Variants in RASSF5 observed in about 807,000 individuals in gnomAD.
RASSF5 encodes Ras association domain family member 5.
A neutral mutation model predicts 40.5 loss-of-function variants in RASSF5; 25 were observed. The observed-to-expected ratio is 0.62, with a 90% CI of 0.45 to 0.86. The LOEUF (loss-of-function observed/expected upper bound fraction) is 0.86. Among genes scored for constraint, RASSF5 ranks in the 40% least tolerant of loss-of-function variants. The pLI is 0.00. For synonymous variants in RASSF5, 246 were observed against 252.4 expected (o/e 0.97, Z 0.24); for missense variants, 521 against 572.8 (o/e 0.91, Z 0.92).
chr1:206,534,104 A>G (rs1553398309), intron 1 of RASSF5, among the ~76,000 whole-genome samples: 1 of 152,184 alleles, frequency 6.6e-6, no homozygotes, highest in African/African-American at 2.4e-5. Context: ...TTTCTGTTTA[A>G]GTCACCTGGT....
In RASSF5 at chr1:206,587,789, A is replaced by G. The variant is rs1409060353; in HGVS notation, c.*811A>G. On this transcript the variant is annotated 3_prime_UTR_variant, in exon 6 of 6. Transcript: ENST00000579436. ...GTGTTTCCCCAAAGGGAAGCCAGTC[A>G]TTGACCATTTAAAAAGTCTCCTGCT... The G allele has an allele frequency of 6.6e-6, 1 of 152,450 alleles. No individual in the cohort carries two copies. Among genetic ancestry groups the G allele is most frequent in the Non-Finnish European group, 1.5e-5 (1 of 68,066 alleles). The allele number at this position is 152,450 out of a possible 1,614,324, so 9.4% of individuals were successfully genotyped here. A position where few individuals can be genotyped will look rare whatever the true frequency, so the allele number is the denominator to read the frequency against.
chr1:206,507,897 C>G lies in RASSF5; in HGVS notation c.295C>G (p.Arg99Gly). ...ACTGCGGCGGCGGCCTGGAGCGCCCCGACCCCGCGACGTGCGGAGCATCTT... is the reference window on the plus strand; with the variant it reads ...ACTGCGGCGGCGGCCTGGAGCGCCCGGACCCCGCGACGTGCGGAGCATCTT... The part of the protein sequence containing the change: ...QRLRRRPGAP[R>G]PRDVRSIFEQ... Residue 99 changes from arginine (R) to glycine (G), a missense_variant, in exon 1 of 6, where the codon CGA becomes GGA. Around this residue, in one of 2 missense-constraint regions of RASSF5, gnomAD observed 237 missense variants for 212.0 expected, o/e 1.12. Transcript: ENST00000579436. 2 of 1,503,098 alleles carry G rather than the reference C, an allele frequency of 1.3e-6. No homozygotes were observed. Among genetic ancestry groups the G allele is most frequent in the Non-Finnish European group, 1.8e-6 (2 of 1,133,346 alleles). 93.1% of individuals were successfully genotyped at this position (1,503,098 alleles called of 1,614,324 possible).
intron 2 of RASSF5, among the ~76,000 whole-genome samples, chr1:206,562,967 G>C (rs1668187696): frequency 6.6e-6 from 1 of 151,578 alleles, no homozygotes; most frequent in Admixed American, 6.6e-5. Flanking sequence ...GGGTTGAATT[G>C]CTGCATCTTC....
intron 1 of RASSF5, among the ~76,000 whole-genome samples, chr1:206,536,571 C>T (rs1409037752): frequency 6.6e-6 from 1 of 152,008 alleles, no homozygotes; most frequent in Non-Finnish European, 1.5e-5. Flanking sequence ...TTCCAAAGCT[C>T]CCCAAAAGTG....
intron 2 of RASSF5, among the ~76,000 whole-genome samples, chr1:206,576,288 T>A (rs1212726951): frequency 1.3e-5 from 2 of 152,222 alleles, no homozygotes; most frequent in Non-Finnish European, 2.9e-5. Flanking sequence ...TAATTTGTAC[T>A]TTTGCTGCAA....
intron 2 of RASSF5, among the ~76,000 whole-genome samples, chr1:206,564,391 T>G (rs1411397316): frequency 6.6e-6 from 1 of 151,554 alleles, no homozygotes; most frequent in Non-Finnish European, 1.5e-5. Flanking sequence ...TTCACAGGTT[T>G]AGATAGTTTA....
In RASSF5 at chr1:206,584,340, T is replaced by C; in HGVS notation, c.691-47T>C. On this transcript the variant is annotated intron_variant, in intron 3 of 5. Coordinates refer to ENST00000579436, the MANE Select transcript of RASSF5 (RefSeq NM_182663.4). The surrounding 1 kb of genome is among the most constrained non-coding windows in gnomAD (Gnocchi z 4.9). Reference sequence around the variant, plus strand: ...TGGCCCCGAGTGGCAGATATGATCATGCAAGGCGGACGGCCCTGACCCCCT... The same window carrying C: ...TGGCCCCGAGTGGCAGATATGATCACGCAAGGCGGACGGCCCTGACCCCCT... The C allele has an allele frequency of 6.4e-7, 1 of 1,560,300 alleles. No individual in the cohort carries two copies. The highest frequency in any genetic ancestry group is 1.2e-5 in the South Asian group (1 of 81,994).
intron 1 of RASSF5, among the ~76,000 whole-genome samples, chr1:206,519,223 G>A (rs1174720606): frequency 2.0e-5 from 3 of 152,158 alleles, no homozygotes; most frequent in Non-Finnish European, 2.9e-5. Context: ...TAGGATCTTA[G>A]GTCATCCCAT....
In RASSF5 at chr1:206,538,260, T is replaced by C; in HGVS notation, c.546T>C (p.Ser182=). The C allele has an allele frequency of 1.2e-6, 2 of 1,614,070 alleles. No individual in the cohort carries two copies. Among genetic ancestry groups the C allele is most frequent in the Non-Finnish European group, 1.7e-6 (2 of 1,180,022 alleles). The change falls in exon 2 of 6, where the codon TCT becomes TCC. Residue 182 remains serine, a synonymous_variant. Transcript: ENST00000579436. ...AGGGTTTATCCCGGGACAGACCCTCTCCAGAAAGCACCCTCACCGTGACCT... is the reference window on the plus strand; with the variant it reads ...AGGGTTTATCCCGGGACAGACCCTCCCCAGAAAGCACCCTCACCGTGACCT... ...QQEGLSRDRP[S]PESTLTVTFS...
chr1:206,561,937 G>A (rs1668159155), intron 2 of RASSF5, among the ~76,000 whole-genome samples: 1 of 151,732 alleles, frequency 6.6e-6, no homozygotes, highest in African/African-American at 2.4e-5. Flanking sequence ...CAAGGTGCTG[G>A]GATTACAGGA....
chr1:206,530,443 C>G (rs1019745063), intron 1 of RASSF5, among the ~76,000 whole-genome samples: 1 of 152,172 alleles, frequency 6.6e-6, no homozygotes, highest in African/African-American at 2.4e-5. Flanking sequence ...ATTTTGTTGT[C>G]ATAAATAACT....
Position 206,531,947 on chromosome 1 carries a change from G to A in RASSF5, c.458-6225G>A, listed in dbSNP as rs947979771. On this transcript the variant is annotated intron_variant, in intron 1 of 5. Transcript: ENST00000579436. The surrounding 1 kb of genome is among the most constrained non-coding windows in gnomAD (Gnocchi z 4.7). The stretch of plus-strand genomic sequence containing the variant: ...GGTGCCTGTAATGCCAGCTGCTTGG[G>A]AGGCTGAGGCAGGAGAATGGCGTGA... 3.9e-5 allele frequency among the ~76,000 whole-genome samples: 6 copies of A among 152,104 alleles called. No homozygotes were observed. The highest frequency in any genetic ancestry group is 3.9e-4 in the Admixed American group (6 of 15,286).
In RASSF5 at chr1:206,584,745, A is replaced by T. The variant is rs4418597; in HGVS notation, c.988+61A>T. On this transcript the variant is annotated intron_variant, in intron 4 of 5. Transcript: ENST00000579436. This position sits in a 1 kb window ranked among gnomAD's most constrained non-coding sequence, Gnocchi z 4.9. ...TTCCTACCTGTGTCCAAGCCCACCC[A>T]CTAAAACTCCTGCCGGCCTTGGGTG... The T allele has an allele frequency of 0.2, 311,917 of 1,578,348 alleles. 32,498 individuals carry two copies. The highest frequency in any genetic ancestry group is 0.32 in the Admixed American group (18,432 of 57,032).
chr1:206,514,381 A>G (rs1400590228), intron 1 of RASSF5, among the ~76,000 whole-genome samples: 1 of 152,192 alleles, frequency 6.6e-6, no homozygotes, highest in Non-Finnish European at 1.5e-5. Flanking sequence ...GGGGAATGCA[A>G]GATGTGCATG....
At chr1:206,559,628 G>A (rs1173058630) in intron 2 of RASSF5, among the ~76,000 whole-genome samples, 1 of 152,182 alleles carries the variant, frequency 6.6e-6, no homozygotes, top group Admixed American at 6.5e-5. Flanking sequence ...ATATCTTCCT[G>A]TGTCATTTTG....
At chr1:206,524,927 C>A (rs1553396971) in intron 1 of RASSF5, among the ~76,000 whole-genome samples, 4 of 151,702 alleles carry the variant, frequency 2.6e-5, no homozygotes, top group South Asian at 2.1e-4. Flanking sequence ...GGCTACAGCA[C>A]CCCCAAAGAA....
intron 1 of RASSF5, among the ~76,000 whole-genome samples, chr1:206,511,469 A>G (rs1666609831): frequency 1.3e-5 from 2 of 152,174 alleles, no homozygotes; most frequent in South Asian, 4.1e-4. Flanking sequence ...ATGGTCTGGC[A>G]CTTGGAGAAA....
intron 2 of RASSF5, among the ~76,000 whole-genome samples, chr1:206,564,107 ATGTG>A (rs1668220981): frequency 6.6e-6 from 1 of 152,178 alleles, no homozygotes; most frequent in Admixed American, 6.5e-5. Flanking sequence ...CACCCTTGTC[ATGTG>A]AGTGTCCTTA....
At chr1:206,542,578 T>A (rs1667573429) in intron 2 of RASSF5, 1 of 152,142 alleles carries the variant, frequency 6.6e-6, no homozygotes. Flanking sequence ...ACTAAGACAG[T>A]TCCTGGGCAG....
Sources: gnomAD v4.1 joint callset for allele counts (sites outside exome capture counted in the v4.1 genomes callset) on GRCh38, gnomAD v4.1.1 for gene constraint, gnomAD v4.1.1 regional missense constraint, Gnocchi (gnomAD v3.1) non-coding constraint, MANE v1.5 for transcripts, NCBI Gene and HGNC (gene_info 2026-07-23, HGNC 2026-07-21) for gene names.